Variants in CACNA1H observed in about 807,000 individuals in gnomAD.
CACNA1H encodes calcium voltage-gated channel subunit alpha1 H.
In CACNA1H, 149 loss-of-function variants were observed where a neutral mutation model predicts 192.5. That is an observed-to-expected ratio of 0.77 (90% confidence interval 0.68 to 0.89). The LOEUF (loss-of-function observed/expected upper bound fraction) is 0.89. CACNA1H is among the 40% of genes least tolerant of loss of function. CACNA1H has a pLI of 0.00. For missense variants in CACNA1H, 4,257 were observed against 3,423.5 expected (o/e 1.24, Z -6.08); for synonymous variants, 2,202 against 1,475.2 (o/e 1.49, Z -11.29).
chr16:1,181,801 C>T (rs1965495308), intron 2 of CACNA1H, among the ~76,000 whole-genome samples: 2 of 152,144 alleles, frequency 1.3e-5, no homozygotes, highest in African/African-American at 2.4e-5. Flanking sequence ...TGTGTGAGTT[C>T]TCCACTTGTG....
chr16:1,201,924 C>G lies in CACNA1H; in HGVS notation c.1474C>G (p.Pro492Ala), dbSNP rs935642453. 3.2e-6 allele frequency: 5 copies of G among 1,549,878 alleles called. No homozygotes were observed. In the African/African-American group the frequency reaches 6.8e-5, roughly 21 times the overall value. Residue 492 changes from proline to alanine, a missense_variant, in exon 9 of 35, where the codon CCC (proline) becomes GCC (alanine). Physicochemically the swap from Pro to Ala is conservative, Grantham distance 27. Coordinates refer to ENST00000348261, the MANE Select transcript of CACNA1H (RefSeq NM_021098.3). ...GAGCCGCTGGCGCAAGAAGGTGGAC[C>G]CCAGTGCTGTGCAAGGCCAGGGTCC... ...WQSRWRKKVDPSAVQGQGPGH... is the reference protein window; with the variant it reads ...WQSRWRKKVDASAVQGQGPGH...
chr16:1,157,687 G>A (rs1962613159), intron 2 of CACNA1H: 2 of 152,340 alleles, frequency 1.3e-5, no homozygotes, highest in Admixed American at 6.5e-5. Context: ...TGTCTTAGCA[G>A]CGTCCGGACA....
intron 34 of CACNA1H, among the ~76,000 whole-genome samples, chr16:1,219,613 C>A (rs1262358550): frequency 6.6e-6 from 1 of 152,206 alleles, no homozygotes; most frequent in African/African-American, 2.4e-5. Context: ...CTCTTGCTGC[C>A]CAGTACAAGA....
chr16:1,200,606 G>T, intron 7 of CACNA1H, 35 bp downstream of exon 7: 1 of 1,607,420 alleles, frequency 6.2e-7, no homozygotes, highest in South Asian at 1.1e-5. Flanking sequence ...GGACCCTGGG[G>T]CACGGCAGGG....
Position 1,210,350 on chromosome 16 carries a change from A to AAG in CACNA1H, c.3846-20_3846-19insAG. ...TCCACGCCGCCCCGCCCCACCTCTC[A>AAG]CCCGCCCCCGCCCACCCAGGTTCCG... is the stretch of plus-strand genomic sequence containing the variant. On this transcript the variant is annotated intron_variant, in intron 18 of 34. Coordinates refer to ENST00000348261, the MANE Select transcript of CACNA1H (RefSeq NM_021098.3). 2 of 313,944 alleles carry AAG rather than the reference A, an allele frequency of 6.4e-6. No homozygotes were observed. Among genetic ancestry groups the AAG allele is most frequent in the South Asian group, 3.8e-5 (1 of 26,200 alleles). The allele number at this position is 313,944 out of a possible 1,614,324, so 19.4% of individuals were successfully genotyped here.
At position 1,211,216 on chromosome 16, in the gene CACNA1H, A is replaced by G. The variant is rs1567541072; in HGVS notation, c.4272A>G (p.Ile1424Met). Residue 1424 changes from isoleucine to methionine, a missense_variant, in exon 22 of 35, where the codon ATA becomes ATG. Transcript: ENST00000348261. ...TCAAGCTGGTGGTGGAGACGCTGAT[A>G]TCATCACTCAGGCCCATTGGGAACA... ...PGLKLVVETL[I>M]SSLRPIGNIV... is the part of the protein sequence containing the mutation. 1.2e-6 allele frequency: 2 copies of G among 1,613,016 alleles called. No individual in the cohort carries two copies. The highest frequency in any genetic ancestry group is 1.7e-6 in the Non-Finnish European group (2 of 1,179,750).
chr16:1,157,419 G>A (rs1449075105), intron 2 of CACNA1H, among the ~76,000 whole-genome samples: 10 of 152,234 alleles, frequency 6.6e-5, no homozygotes. Context: ...CACGTGTTTG[G>A]CAGAGCGCTG....
Position 1,213,945 on chromosome 16 carries a change from G to T in CACNA1H, c.4929+14G>T, listed in dbSNP as rs764047411. On this transcript the variant is annotated intron_variant, in intron 27 of 34. Transcript: ENST00000348261. ...AACCAACCCAAGGTGGGTGCGAGGG[G>T]GCCGCGAGGGGCCCAGGGGCTGGGG... The T allele has an allele frequency of 1.8e-5, 29 of 1,602,712 alleles. No individual in the cohort carries two copies. The African/African-American group carries it at 3.6e-4, about 20-fold the overall frequency.
At chr16:1,157,945 C>T (rs894737927) in intron 2 of CACNA1H, 2 of 152,290 alleles carry the variant, frequency 1.3e-5, no homozygotes, top group African/African-American at 4.8e-5. Flanking sequence ...GCGCGTGTCT[C>T]CCGGAGACCC....
In CACNA1H at chr16:1,210,648, G is replaced by T. The variant is rs747258959; in HGVS notation, c.4035G>T (p.Val1345=). Residue 1345 remains valine, a synonymous_variant, in exon 20 of 35, where the codon GTG becomes GTT. Coordinates refer to ENST00000348261, the MANE Select transcript of CACNA1H (RefSeq NM_021098.3). ...FTAIFVAEMM[V]KVVALGLLSG... ...CCATCTTCGTGGCGGAGATGATGGT[G>T]AAGGTACCGCGGGGCCCGGGGACTG... The T allele has an allele frequency of 1.2e-6, 2 of 1,603,614 alleles. No homozygotes were observed. The highest frequency in any genetic ancestry group is 1.1e-5 in the South Asian group (1 of 91,020).
At chr16:1,213,345 C>T (rs1044966951) in intron 26 of CACNA1H, among the ~76,000 whole-genome samples, 1 of 152,210 alleles carries the variant, frequency 6.6e-6, no homozygotes, top group South Asian at 2.1e-4. Context: ...GAGTAGACCA[C>T]AGAGGCCCAG....
Position 1,211,624 on chromosome 16 carries a change from G to A in CACNA1H, c.4476+18G>A, listed in dbSNP as rs1969459544. The A allele has an allele frequency of 1.2e-6, 2 of 1,609,178 alleles. No homozygotes were observed. Among genetic ancestry groups the A allele is most frequent in the African/African-American group, 2.7e-5 (2 of 74,844 alleles). ...TGGGCCAGGTGGGCTGGGCGGCCGG[G>A]CGGGAGCTGGGGGTCTCCAGGACAC... is the stretch of plus-strand genomic sequence containing the variant. On this transcript the variant is annotated intron_variant, in intron 23 of 34. Transcript: ENST00000348261.
Position 1,203,990 on chromosome 16 carries a change from G to A in CACNA1H, c.2003-20G>A. ...AGCACCACTGAGTGGGCCTGCCCCT[G>A]TCTGTGCCCTCTCCCGCAGGACTGG... is the stretch of plus-strand genomic sequence containing the variant. On this transcript the variant is annotated intron_variant, in intron 9 of 34. Transcript: ENST00000348261. 6.6e-7 allele frequency: 1 copy of A among 1,515,708 alleles called. No homozygotes were observed. Among genetic ancestry groups the A allele is most frequent in the Non-Finnish European group, 8.8e-7 (1 of 1,130,378 alleles). The allele number at this position is 1,515,708 out of a possible 1,614,324, so 93.9% of individuals were successfully genotyped here.
intron 2 of CACNA1H, among the ~76,000 whole-genome samples, chr16:1,162,491 T>C (rs748901280): frequency 2.6e-5 from 4 of 152,110 alleles, no homozygotes; most frequent in Non-Finnish European, 5.9e-5. Flanking sequence ...GCTCCTCCGA[T>C]GAGGAGCAGC....
chr16:1,182,441 G>T (rs1325019165), intron 2 of CACNA1H, among the ~76,000 whole-genome samples: 1 of 152,166 alleles, frequency 6.6e-6, no homozygotes, highest in African/African-American at 2.4e-5. Context: ...CCCCTGCGCT[G>T]GGGGCGGTGC....
In CACNA1H at chr16:1,209,089, C is replaced by A. The variant is rs767952454; in HGVS notation, c.3421C>A (p.Arg1141=). 8.4e-6 allele frequency: 13 copies of A among 1,544,392 alleles called. 1 individual carries two copies. The East Asian group carries it at 3.1e-4, about 37-fold the overall frequency. ...GGGCCCCAGTGGCGCCTGGAGCAGC[C>A]GGCGCTCCAGCTGGAGCAGCCTGGG... The part of the protein sequence containing the change: ...PWGPSGAWSS[R]RSSWSSLGRA... The change falls in exon 17 of 35, where the codon CGG becomes AGG. Residue 1141 remains arginine, a synonymous_variant. Transcript: ENST00000348261.
rs890167407 is a variant in CACNA1H, at chr16:1,153,941, G to C, written c.204G>C (p.Gln68His). The C allele has an allele frequency of 1.4e-6, 2 of 1,455,894 alleles. No homozygotes were observed. Among genetic ancestry groups the C allele is most frequent in the African/African-American group, 1.5e-5 (1 of 67,910 alleles). The allele number at this position is 1,455,894 out of a possible 1,614,324, so 90.2% of individuals were successfully genotyped here. A position where few individuals can be genotyped will look rare whatever the true frequency, so the allele number is the denominator to read the frequency against. The change falls in exon 2 of 35, where the codon CAG becomes CAC. Residue 68 changes from glutamine to histidine, a missense_variant. Transcript: ENST00000348261. Reference protein sequence around the residue: ...RGAELGADEEQRVPYPALAAT... With the variant: ...RGAELGADEEHRVPYPALAAT... ...CGGAGCTGGGTGCCGACGAGGAGCA[G>C]CGCGTCCCGTACCCGGCCTTGGCGG...
chr16:1,209,746 G>A lies in CACNA1H; in HGVS notation c.3745-289G>A, dbSNP rs8049748. Among the ~76,000 whole-genome samples, 38,059 of 152,146 alleles carry A rather than the reference G, an allele frequency of 0.25. 5,461 individuals are homozygous for A. Among genetic ancestry groups the A allele is most frequent in the Middle Eastern group, 0.39 (115 of 292 alleles). On this transcript the variant is annotated intron_variant, in intron 17 of 34. Transcript: ENST00000348261. The stretch of plus-strand genomic sequence containing the variant: ...GCATCCGCTAGGCTCTCAGGCTTCC[G>A]TGGGTCAAGGACCACTCCCAGAGTC...
chr16:1,209,233 C>T lies in CACNA1H; in HGVS notation c.3565C>T (p.Arg1189Cys), dbSNP rs761063520. The change falls in exon 17 of 35, where the codon CGT becomes TGT. Residue 1189 changes from arginine (R) to cysteine (C), a missense_variant. Transcript: ENST00000348261. ...AEDGRAAPGP[R>C]ATPLRRAESL... is the part of the protein sequence containing the mutation. ...GGACGGCAGGGCCGCGCCCGGGCCC[C>T]GTGCCACCCCACTGCGGCGGGCCGA... is the stretch of plus-strand genomic sequence containing the variant. The T allele has an allele frequency of 9.7e-6, 15 of 1,544,676 alleles. No homozygotes were observed. Among genetic ancestry groups the T allele is most frequent in the Non-Finnish European group, 1.2e-5 (14 of 1,146,844 alleles).
Sources: gnomAD v4.1 joint callset for allele counts (sites outside exome capture counted in the v4.1 genomes callset) on GRCh38, gnomAD v4.1.1 for gene constraint, MANE v1.5 for transcripts, NCBI Gene and HGNC (gene_info 2026-07-23, HGNC 2026-07-21) for gene names.